Variants in GALNTL6 observed in about 807,000 individuals in gnomAD.
The protein encoded by GALNTL6 is polypeptide N-acetylgalactosaminyltransferase like 6, also known as polypeptide N-acetylgalactosaminyltransferase-like 6.
In GALNTL6, 46 loss-of-function variants were observed where a neutral mutation model predicts 73.7. That is an observed-to-expected ratio of 0.62 (90% CI 0.49 to 0.80). The LOEUF is 0.80. Among genes scored for constraint, GALNTL6 ranks in the 30% least tolerant of loss-of-function variants. The pLI, the probability that GALNTL6 is intolerant of heterozygous loss-of-function variation, is 0.00. For synonymous variants in GALNTL6, 259 were observed against 263.7 expected, an observed-to-expected ratio of 0.98 and a Z score of 0.17; for missense variants, 604 against 755.0, an observed-to-expected ratio of 0.80 and a Z score of 2.34.
chr4:171,991,730 GTA>G lies in GALNTL6; in HGVS notation c.138+177037_138+177038del, dbSNP rs1248077137. ...TGATTATATGTGTGTGTGTGTGTGTGTATATATATATATATATATATATATAC... is the reference window on the plus strand; with the variant it reads ...TGATTATATGTGTGTGTGTGTGTGTGTATATATATATATATATATATATAC... On this transcript the variant is annotated intron_variant, in intron 2 of 12. Coordinates refer to ENST00000506823, the MANE Select transcript of GALNTL6 (RefSeq NM_001034845.3). 2.0e-3 allele frequency among the ~76,000 whole-genome samples: 199 copies of G among 98,142 alleles called. 1 individual carries two copies. The highest frequency in any genetic ancestry group is 0.015 in the South Asian group (55 of 3,760). 64.4% of individuals were successfully genotyped at this position (98,142 alleles called of 152,430 possible). A position where few individuals can be genotyped will look rare whatever the true frequency, so the allele number is the denominator to read the frequency against.
intron 3 of GALNTL6, among the ~76,000 whole-genome samples, chr4:172,293,315 T>C (rs768063595): frequency 1.4e-4 from 21 of 152,166 alleles, no homozygotes; most frequent in Non-Finnish European, 2.6e-4. Flanking sequence ...TTTAGCATCA[T>C]GTGCAATTAC....
intron 3 of GALNTL6, among the ~76,000 whole-genome samples, chr4:172,302,159 C>T (rs1255555219): frequency 6.6e-6 from 1 of 152,176 alleles, no homozygotes; most frequent in Non-Finnish European, 1.5e-5. Context: ...GGCGTAGGAC[C>T]CTCCGAGCCA....
rs764869394 is a variant in GALNTL6, at chr4:173,009,252, C to T, written c.1446C>T (p.Ile482=). 6.2e-7 allele frequency: 1 copy of T among 1,613,846 alleles called. No individual in the cohort carries two copies. The highest frequency in any genetic ancestry group is 8.5e-7 in the Non-Finnish European group (1 of 1,179,828). Residue 482 remains isoleucine, a synonymous_variant, in exon 11 of 13, where the codon ATC becomes ATT. Coordinates refer to ENST00000506823, the MANE Select transcript of GALNTL6 (RefSeq NM_001034845.3). ...CCGGAACAGAGCTGAGGCTGGACAT[C>T]TGTGTCAAGGATGGTTCTGAAAGAA... The part of the protein sequence containing the change: ...GATGTELRLD[I]CVKDGSERTW...
At chr4:172,326,692 TGTC>T in intron 4 of GALNTL6, among the ~76,000 whole-genome samples, 1 of 152,116 alleles carries the variant, frequency 6.6e-6, no homozygotes, top group South Asian at 2.1e-4. Context: ...ATTGATATGT[TGTC>T]TTAAATTTAT....
intron 2 of GALNTL6, among the ~76,000 whole-genome samples, chr4:172,178,693 T>C (rs1735131075): frequency 1.4e-5 from 2 of 143,584 alleles, no homozygotes; most frequent in Admixed American, 7.0e-5. Context: ...TTAGGGTACA[T>C]GTGCACATTG....
rs183676478 is a variant in GALNTL6 at position 172,073,397 on chromosome 4, A to G, written c.139-156259A>G. ...ATACTGAATAAATGTTTGCTGATTGATTAAAAGAAACTATGGCTGGAGTTG... is the reference window on the plus strand; with the variant it reads ...ATACTGAATAAATGTTTGCTGATTGGTTAAAAGAAACTATGGCTGGAGTTG... On this transcript the variant is annotated intron_variant, in intron 2 of 12. Transcript: ENST00000506823. 4.6e-5 allele frequency among the ~76,000 whole-genome samples: 7 copies of G among 152,334 alleles called. No homozygotes were observed. The East Asian group carries it at 1.2e-3, about 25-fold the overall frequency.
chr4:172,171,402 G>A lies in GALNTL6; in HGVS notation c.139-58254G>A, dbSNP rs542528362. ...TTCACGTGACATAAACTGGGAGGGA[G>A]AATGTTTTCAGGAAGGGTAATGTAT... On this transcript the variant is annotated intron_variant, in intron 2 of 12. Transcript: ENST00000506823. 5.3e-5 allele frequency among the ~76,000 whole-genome samples: 8 copies of A among 152,270 alleles called. 1 individual carries two copies. In the South Asian group the frequency reaches 1.7e-3, roughly 32 times the overall value.
chr4:171,965,880 G>A (rs1027777218), intron 2 of GALNTL6, among the ~76,000 whole-genome samples: 8 of 151,590 alleles, frequency 5.3e-5, no homozygotes, highest in African/African-American at 2.0e-4. Flanking sequence ...TAAGACTAAT[G>A]GTCTAAACTG....
rs1244738169 is a variant in GALNTL6, at chr4:172,521,663, A to G, written c.553+172974A>G. On this transcript the variant is annotated intron_variant, in intron 5 of 12. Coordinates refer to ENST00000506823, the MANE Select transcript of GALNTL6 (RefSeq NM_001034845.3). ...GTAATTTTAGGGTAATAAAGAATTCATAAGTGATCAGATAGGAGAAAGTTC... is the reference window on the plus strand; with the variant it reads ...GTAATTTTAGGGTAATAAAGAATTCGTAAGTGATCAGATAGGAGAAAGTTC... 2.6e-5 allele frequency among the ~76,000 whole-genome samples: 4 copies of G among 152,304 alleles called. No individual in the cohort carries two copies. The South Asian group carries it at 8.3e-4, about 32-fold the overall frequency.
At chr4:171,888,486 G>C (rs528845247) in intron 2 of GALNTL6, among the ~76,000 whole-genome samples, 2 of 151,798 alleles carry the variant, frequency 1.3e-5, no homozygotes, top group Non-Finnish European at 2.9e-5. Flanking sequence ...GGAAGAGAAG[G>C]ACTCCTCAGT....
At chr4:172,319,411 CAGA>C (rs1300352511) in intron 4 of GALNTL6, among the ~76,000 whole-genome samples, 6 of 152,152 alleles carry the variant, frequency 3.9e-5, no homozygotes, top group African/African-American at 4.8e-5. Context: ...TACCACACTA[CAGA>C]AGAAGTCATT....
intron 9 of GALNTL6, among the ~76,000 whole-genome samples, chr4:172,943,419 A>T (rs552951943): frequency 6.6e-6 from 1 of 152,342 alleles, no homozygotes; most frequent in African/African-American, 2.4e-5. Flanking sequence ...AGCCTATTTT[A>T]TTCCCAAGTT....
At chr4:171,909,655 T>C (rs1411973956) in intron 2 of GALNTL6, among the ~76,000 whole-genome samples, 2 of 152,166 alleles carry the variant, frequency 1.3e-5, no homozygotes, top group Non-Finnish European at 2.9e-5. Flanking sequence ...GACTCGAAAG[T>C]TTGCCATAGA....
rs1217078663 is a variant in GALNTL6 at position 172,552,849 on chromosome 4, A to AAAAAAC, written c.553+204165_553+204166insCAAAAA. Among the ~76,000 whole-genome samples the AAAAAAC allele has an allele frequency of 2.0e-5, 3 of 150,374 alleles. 1 individual carries two copies. Among genetic ancestry groups the AAAAAAC allele is most frequent in the African/African-American group, 4.9e-5 (2 of 41,052 alleles). ...AAAGTAATTGCAGTAAAAAAAAAAA[A>AAAAAAC]AAAAAAAAGGTAAAAACCGCAATTA... On this transcript the variant is annotated intron_variant, in intron 5 of 12. Transcript: ENST00000506823.
chr4:171,982,359 G>T (rs962975900), intron 2 of GALNTL6, among the ~76,000 whole-genome samples: 1 of 152,012 alleles, frequency 6.6e-6, no homozygotes, highest in Non-Finnish European at 1.5e-5. Context: ...GTGCAGTGGC[G>T]CGATCTCGGC....
chr4:172,413,823 T>C (rs1744529350), intron 5 of GALNTL6, among the ~76,000 whole-genome samples: 1 of 152,160 alleles, frequency 6.6e-6, no homozygotes, highest in African/African-American at 2.4e-5. Context: ...AAAATTTCAC[T>C]GTTTTTCTTA....
intron 2 of GALNTL6, among the ~76,000 whole-genome samples, chr4:172,207,622 G>A (rs1352619656): frequency 6.6e-6 from 1 of 152,188 alleles, no homozygotes; most frequent in Non-Finnish European, 1.5e-5. Flanking sequence ...CTGCATGGTA[G>A]TAGCTGTTAA....
intron 2 of GALNTL6, among the ~76,000 whole-genome samples, chr4:171,895,830 A>G (rs1736897164): frequency 6.6e-6 from 1 of 152,202 alleles, no homozygotes; most frequent in South Asian, 2.1e-4. Flanking sequence ...CCACTTAATG[A>G]AAGATGGGAA....
intron 2 of GALNTL6, among the ~76,000 whole-genome samples, chr4:172,058,828 C>T (rs1440870879): frequency 6.6e-6 from 1 of 152,092 alleles, no homozygotes; most frequent in Non-Finnish European, 1.5e-5. Flanking sequence ...CATGCTTTAA[C>T]TATATCTTAT....
Sources: gnomAD v4.1 joint callset for allele counts (sites outside exome capture counted in the v4.1 genomes callset) on GRCh38, gnomAD v4.1.1 for gene constraint, MANE v1.5 for transcripts, NCBI Gene and HGNC (gene_info 2026-07-23, HGNC 2026-07-21) for gene names.